ZNF385B: variants seen among roughly 807,000 people sequenced by gnomAD.
ZNF385B encodes zinc finger protein 533.
ZNF385B carries 23 observed loss-of-function variants against 39.2 expected under a neutral mutation model. That is an observed-to-expected ratio of 0.59 (90% CI 0.42 to 0.83). ZNF385B has a LOEUF of 0.83. Among genes scored for constraint, ZNF385B ranks in the 40% least tolerant of loss-of-function variants. ZNF385B has a pLI of 0.00. For synonymous variants in ZNF385B, 205 were observed against 222.6 expected (o/e 0.92, Z 0.70); for missense variants, 552 against 598.9 (o/e 0.92, Z 0.82).
intron 3 of ZNF385B, among the ~76,000 whole-genome samples, chr2:179,688,875 G>A (rs767355814): frequency 1.1e-4 from 16 of 152,130 alleles, no homozygotes; most frequent in Non-Finnish European, 1.5e-4. Context: ...CAATTTTATC[G>A]TCAATTATTT....
intron 3 of ZNF385B, among the ~76,000 whole-genome samples, chr2:179,616,467 G>T (rs755775574): frequency 1.4e-4 from 22 of 152,090 alleles, no homozygotes; most frequent in Admixed American, 2.6e-4. Flanking sequence ...CTGAGTAGCT[G>T]AGACTACAGG....
rs192445042 is a variant in ZNF385B at position 179,744,052 on chromosome 2, A to G, written c.298+25451T>C. ...GCAGATAAGTGTAATGATGAATTGC[A>G]TAATATGGCCAACATTAATAGAGTG... is the stretch of plus-strand genomic sequence containing the variant. On this transcript the variant is annotated intron_variant, in intron 3 of 9. Transcript: ENST00000410066. 6.6e-5 allele frequency among the ~76,000 whole-genome samples: 10 copies of G among 152,316 alleles called. No individual in the cohort carries two copies. The East Asian group carries it at 1.7e-3, about 26-fold the overall frequency.
At chr2:179,819,067 AC>A (rs1411442735) in intron 1 of ZNF385B, among the ~76,000 whole-genome samples, 2 of 133,432 alleles carry the variant, frequency 1.5e-5, no homozygotes, top group Non-Finnish European at 3.3e-5. Context: ...ACACACACAC[AC>A]ACACACAATT....
At chr2:179,568,969 T>C (rs570683002) in intron 3 of ZNF385B, among the ~76,000 whole-genome samples, 1 of 152,352 alleles carries the variant, frequency 6.6e-6, no homozygotes, top group Admixed American at 6.5e-5. Flanking sequence ...CTTTACTCAT[T>C]TGTATAACAA....
At chr2:179,725,971 C>T (rs1700993715) in intron 3 of ZNF385B, among the ~76,000 whole-genome samples, 1 of 150,138 alleles carries the variant, frequency 6.7e-6, no homozygotes, top group South Asian at 2.1e-4. Context: ...TAGACAATAG[C>T]ACACTACCTT....
intron 5 of ZNF385B, 100 bp downstream of exon 5, chr2:179,518,428 G>A (rs2058241562): frequency 3.4e-6 from 3 of 870,864 alleles, no homozygotes; most frequent in Non-Finnish European, 5.3e-6. Context: ...CAATAGGAGT[G>A]GCTGCTACAG....
intron 3 of ZNF385B, among the ~76,000 whole-genome samples, chr2:179,565,313 T>A (rs16866782): frequency 0.21 from 32,010 of 152,056 alleles, 3,619 homozygotes; most frequent in Middle Eastern, 0.29. Context: ...CAAGTAGGAA[T>A]AAAACAGTAA....
intron 3 of ZNF385B, among the ~76,000 whole-genome samples, chr2:179,674,917 C>T (rs1312258160): frequency 6.6e-6 from 1 of 152,104 alleles, no homozygotes; most frequent in Admixed American, 6.6e-5. Context: ...TCCTATCTAA[C>T]CCATGCAAAA....
At chr2:179,785,185 G>A (rs1375799744) in intron 1 of ZNF385B, among the ~76,000 whole-genome samples, 1 of 152,030 alleles carries the variant, frequency 6.6e-6, no homozygotes, top group Non-Finnish European at 1.5e-5. Context: ...GCTCTTAGAA[G>A]TCAGGCTAGT....
At chr2:179,634,973 C>CAAAAAAAAAAAAAA (rs66671134) in intron 3 of ZNF385B, among the ~76,000 whole-genome samples, 1 of 115,612 alleles carries the variant, frequency 8.6e-6, no homozygotes, top group Non-Finnish European at 1.8e-5. Flanking sequence ...ACTAAAAATA[C>CAAAAAAAAAAAAAA]AAAAAAAAAA....
chr2:179,853,683 T>C (rs917829326), intron 1 of ZNF385B, among the ~76,000 whole-genome samples: 1 of 152,226 alleles, frequency 6.6e-6, no homozygotes, highest in Admixed American at 6.5e-5. Flanking sequence ...TTAAATTGTA[T>C]AATGTACAAT....
chr2:179,764,348 T>C (rs1703570140), intron 3 of ZNF385B, among the ~76,000 whole-genome samples: 1 of 152,184 alleles, frequency 6.6e-6, no homozygotes, highest in African/African-American at 2.4e-5. Context: ...CTTATTGATT[T>C]TGAAGTGAGT....
chr2:179,536,030 G>A (rs901639972), intron 4 of ZNF385B, among the ~76,000 whole-genome samples: 4 of 152,132 alleles, frequency 2.6e-5, no homozygotes, highest in Non-Finnish European at 4.4e-5. Context: ...AAAGTTTATA[G>A]AGCAACTAAT....
At chr2:179,504,070 C>T (rs1262662303) in intron 5 of ZNF385B, among the ~76,000 whole-genome samples, 2 of 148,464 alleles carry the variant, frequency 1.3e-5, no homozygotes, top group African/African-American at 5.1e-5. Context: ...TAGTCCCCTT[C>T]CTGTGTCCAT....
chr2:179,822,188 T>C (rs938170343), intron 1 of ZNF385B, among the ~76,000 whole-genome samples: 1 of 152,222 alleles, frequency 6.6e-6, no homozygotes, highest in African/African-American at 2.4e-5. Context: ...CACAGGCTTT[T>C]GTCCTTCTTT....
At chr2:179,833,218 G>A (rs1030293542) in intron 1 of ZNF385B, among the ~76,000 whole-genome samples, 3 of 151,898 alleles carry the variant, frequency 2.0e-5, no homozygotes, top group African/African-American at 7.2e-5. Flanking sequence ...TTCAGTTTTT[G>A]TTTCCCCAAA....
chr2:179,835,941 T>C (rs986579239), intron 1 of ZNF385B, among the ~76,000 whole-genome samples: 18 of 152,156 alleles, frequency 1.2e-4, no homozygotes, highest in Admixed American at 4.6e-4. Flanking sequence ...TCGTTAAGTG[T>C]ATAATACATA....
At chr2:179,856,392 TA>T (rs752964093) in intron 1 of ZNF385B, among the ~76,000 whole-genome samples, 14 of 151,924 alleles carry the variant, frequency 9.2e-5, no homozygotes, top group Non-Finnish European at 2.1e-4. Flanking sequence ...TTTTAGTGCT[TA>T]AGTAGACCCA....
chr2:179,844,697 G>C (rs1708710309), intron 1 of ZNF385B, among the ~76,000 whole-genome samples: 1 of 152,172 alleles, frequency 6.6e-6, no homozygotes. Flanking sequence ...AAGGTTGGGA[G>C]AGAGAGTAAA....
Sources: allele counts gnomAD v4.1 joint callset (sites outside exome capture counted in the v4.1 genomes callset), GRCh38; gene constraint gnomAD v4.1.1; transcripts MANE v1.5; gene names NCBI Gene and HGNC (gene_info 2026-07-23, HGNC 2026-07-21).